The following ZNF639 variants were observed in gnomAD, a reference collection of about 807,000 sequenced individuals.
ZNF639 encodes zinc finger amplified in esophageal squamous cell carcinomas 1.
A neutral mutation model predicts 39.8 loss-of-function variants in ZNF639; 20 were observed. That is an observed-to-expected ratio of 0.50 (90% confidence interval 0.35 to 0.73). ZNF639 has a LOEUF of 0.73. Ranked by LOEUF, ZNF639 falls within the 30% of genes least tolerant of loss-of-function variation. ZNF639 has a pLI of 0.00. For missense variants in ZNF639, 477 were observed against 566.2 expected (o/e 0.84, Z 1.60); for synonymous variants, 176 against 189.8 (o/e 0.93, Z 0.60).
At position 179,334,174 on chromosome 3, in the gene ZNF639, G is replaced by A; in HGVS notation, c.1210G>A (p.Val404Ile). 2 of 1,614,078 alleles carry A rather than the reference G, an allele frequency of 1.2e-6. No homozygotes were observed. The highest frequency in any genetic ancestry group is 1.1e-5 in the South Asian group (1 of 91,076). ...AIEHTKIFPH[V>I]CDDCGKGFSS... ...TGAACATACAAAAATTTTTCCTCAT[G>A]TTTGTGATGACTGTGGGAAAGGCTT... Residue 404 changes from valine (V) to isoleucine (I), a missense_variant, in exon 6 of 6, where the codon GTT (valine) becomes ATT (isoleucine). By Grantham distance (29) the Val-to-Ile change is conservative. Coordinates refer to ENST00000496856, the MANE Select transcript of ZNF639 (RefSeq NM_001303426.2).
At chr3:179,331,732 G>A (rs1027668088) in intron 4 of ZNF639, among the ~76,000 whole-genome samples, 6 of 138,162 alleles carry the variant, frequency 4.3e-5, no homozygotes, top group Middle Eastern at 4.6e-3. Context: ...CCGAGATCGC[G>A]CCATTGCACT....
At position 179,334,322 on chromosome 3, in the gene ZNF639, A is replaced by G; in HGVS notation, c.1358A>G (p.Lys453Arg). 6.2e-7 allele frequency: 1 copy of G among 1,613,112 alleles called. No individual in the cohort carries two copies. Among genetic ancestry groups the G allele is most frequent in the Non-Finnish European group, 8.5e-7 (1 of 1,179,604 alleles). Reference sequence around the variant, plus strand: ...GATCTTAAAATTCATCTAGATTTCAAGCATTCAGCTGACTTGCCTCATAAA... The same window carrying G: ...GATCTTAAAATTCATCTAGATTTCAGGCATTCAGCTGACTTGCCTCATAAA... ...IEDLKIHLDF[K>R]HSADLPHKCS... Residue 453 changes from lysine to arginine, a missense_variant, in exon 6 of 6, where the codon AAG (lysine) becomes AGG (arginine). Transcript: ENST00000496856.
chr3:179,333,443 C>G lies in ZNF639; in HGVS notation c.479C>G (p.Ser160Cys), dbSNP rs751547721. 2 of 1,614,062 alleles carry G rather than the reference C, an allele frequency of 1.2e-6. No individual in the cohort carries two copies. The highest frequency in any genetic ancestry group is 1.7e-6 in the Non-Finnish European group (2 of 1,179,996). ...DYDIETENNS[S>C]ESLQDQTDEE... ...GATATAGAGACAGAAAACAATTCCT[C>G]TGAGAGTCTCCAAGACCAAACTGAT... Residue 160 changes from serine to cysteine, a missense_variant, in exon 6 of 6, where the codon TCT (serine) becomes TGT (cysteine). By Grantham distance (112) the Ser-to-Cys change is moderately radical. Transcript: ENST00000496856.
Position 179,334,339 on chromosome 3 carries a change from C to A in ZNF639, c.1375C>A (p.Pro459Thr), listed in dbSNP as rs1485689359. Residue 459 changes from proline to threonine, a missense_variant, in exon 6 of 6, where the codon CCT becomes ACT. Physicochemically the swap from Pro to Thr is conservative, Grantham distance 38. Transcript: ENST00000496856. ...HLDFKHSADLPHKCSDCLMRF... is the reference protein window; with the variant it reads ...HLDFKHSADLTHKCSDCLMRF... ...AGATTTCAAGCATTCAGCTGACTTGCCTCATAAATGTAGTGACTGCTTGAT... is the reference window on the plus strand; with the variant it reads ...AGATTTCAAGCATTCAGCTGACTTGACTCATAAATGTAGTGACTGCTTGAT... The A allele has an allele frequency of 1.9e-6, 3 of 1,611,832 alleles. No individual in the cohort carries two copies. Among genetic ancestry groups the A allele is most frequent in the Admixed American group, 3.4e-5 (2 of 59,668 alleles).
chr3:179,333,433 A>G lies in ZNF639; in HGVS notation c.469A>G (p.Asn157Asp), dbSNP rs1244035624. 1 of 1,614,154 alleles carries G rather than the reference A, an allele frequency of 6.2e-7. No homozygotes were observed. Among genetic ancestry groups the G allele is most frequent in the South Asian group, 1.1e-5 (1 of 91,080 alleles). The change falls in exon 6 of 6, where the codon AAC becomes GAC. Residue 157 changes from asparagine (N) to aspartate (D), a missense_variant. By Grantham distance (23) the Asn-to-Asp change is conservative. Coordinates refer to ENST00000496856, the MANE Select transcript of ZNF639 (RefSeq NM_001303426.2). ...ISEDYDIETE[N>D]NSSESLQDQT... ...TGAGGATTATGATATAGAGACAGAA[A>G]ACAATTCCTCTGAGAGTCTCCAAGA...
chr3:179,335,795 T>TGTG lies in ZNF639; in HGVS notation c.*1373_*1374insGTG, dbSNP rs1576994505. ...TCCTCTTTTTTTTTTTTTTTTTGCTTTTTTAATTTTTTGAGACAGAATTTC... is the reference window on the plus strand; with the variant it reads ...TCCTCTTTTTTTTTTTTTTTTTGCTTGTGTTTTAATTTTTTGAGACAGAATTTC... On this transcript the variant is annotated 3_prime_UTR_variant, in exon 6 of 6. Coordinates refer to ENST00000496856, the MANE Select transcript of ZNF639 (RefSeq NM_001303426.2). The TGTG allele has an allele frequency of 1.4e-5, 2 of 146,918 alleles. No individual in the cohort carries two copies. Among genetic ancestry groups the TGTG allele is most frequent in the East Asian group, 2.0e-4 (1 of 4,974 alleles). The allele number at this position is 146,918 out of a possible 1,614,324, so 9.1% of individuals were successfully genotyped here. A position where few individuals can be genotyped will look rare whatever the true frequency, so the allele number is the denominator to read the frequency against.
intron 3 of ZNF639, among the ~76,000 whole-genome samples, chr3:179,328,874 C>A (rs1727746554): frequency 6.7e-6 from 1 of 148,736 alleles, no homozygotes; most frequent in South Asian, 2.1e-4. Flanking sequence ...TTTCTGGGTT[C>A]AAGTGATTCT....
intron 3 of ZNF639, 115 bp downstream of exon 3, chr3:179,328,466 G>T: frequency 1.6e-6 from 1 of 635,392 alleles, no homozygotes; most frequent in Non-Finnish European, 2.6e-6. Context: ...CAATATTTAG[G>T]TAAAACAACG....
In ZNF639 at chr3:179,336,823, G is replaced by A. The variant is rs1711544456; in HGVS notation, c.*2401G>A. The A allele has an allele frequency of 6.6e-6, 1 of 152,190 alleles. No individual in the cohort carries two copies. The highest frequency in any genetic ancestry group is 2.4e-5 in the African/African-American group (1 of 41,444). The allele number at this position is 152,190 out of a possible 1,614,324, so 9.4% of individuals were successfully genotyped here. A position where few individuals can be genotyped will look rare whatever the true frequency, so the allele number is the denominator to read the frequency against. On this transcript the variant is annotated 3_prime_UTR_variant, in exon 6 of 6. Coordinates refer to ENST00000496856, the MANE Select transcript of ZNF639 (RefSeq NM_001303426.2). Reference sequence around the variant, plus strand: ...ACTTCACCTAACAATTAACCTAGTTGTTGATAATTTTGTTTTTATGCTTTT... The same window carrying A: ...ACTTCACCTAACAATTAACCTAGTTATTGATAATTTTGTTTTTATGCTTTT...
chr3:179,331,581 C>A (rs974730807), intron 4 of ZNF639, among the ~76,000 whole-genome samples: 1 of 151,910 alleles, frequency 6.6e-6, no homozygotes, highest in Non-Finnish European at 1.5e-5. Context: ...GAGTTTGAGA[C>A]CAGCCTCAAC....
At chr3:179,330,250 A>G (rs959903268) in intron 4 of ZNF639, among the ~76,000 whole-genome samples, 5 of 152,062 alleles carry the variant, frequency 3.3e-5, no homozygotes, top group Non-Finnish European at 7.4e-5. Context: ...CATATAAATA[A>G]AAAAGTGCAC....
At chr3:179,325,410 G>A (rs992869241) in intron 1 of ZNF639, 2 of 152,140 alleles carry the variant, frequency 1.3e-5, no homozygotes, top group Non-Finnish European at 2.9e-5. Context: ...CTCCCAACTG[G>A]TAGCTAAGAA....
At chr3:179,324,229 G>T (rs1337284904) in intron 1 of ZNF639, among the ~76,000 whole-genome samples, 1 of 152,118 alleles carries the variant, frequency 6.6e-6, no homozygotes, top group Admixed American at 6.6e-5. Flanking sequence ...CTTTTGAAAC[G>T]TTTATCTATT....
Position 179,323,107 on chromosome 3 carries a change from C to T in ZNF639, c.-267C>T, listed in dbSNP as rs1318322305. On this transcript the variant is annotated 5_prime_UTR_variant, in exon 1 of 6. Coordinates refer to ENST00000496856, the MANE Select transcript of ZNF639 (RefSeq NM_001303426.2). Reference sequence around the variant, plus strand: ...GAGCCTAGGCCAGGGGCCTGGCGCTCAGGGCGTGGGGCGCGCGGGGAGGGA... The same window carrying T: ...GAGCCTAGGCCAGGGGCCTGGCGCTTAGGGCGTGGGGCGCGCGGGGAGGGA... The T allele has an allele frequency of 3.0e-6, 3 of 984,642 alleles. No individual in the cohort carries two copies. Among genetic ancestry groups the T allele is most frequent in the Non-Finnish European group, 3.6e-6 (3 of 829,884 alleles). 61.0% of individuals were successfully genotyped at this position (984,642 alleles called of 1,614,324 possible).
chr3:179,333,564 CA>C lies in ZNF639; in HGVS notation c.601del (p.Ser201ValfsTer19). 1 of 1,614,080 alleles carries C rather than the reference CA, an allele frequency of 6.2e-7. No homozygotes were observed. Among genetic ancestry groups the C allele is most frequent in the Non-Finnish European group, 8.5e-7 (1 of 1,180,028 alleles). ...AATGGCCTTTACTGAGAGCTAATAG[CA>C]GTGGCCTCTATAAATGTGAACTTTG... is the stretch of plus-strand genomic sequence containing the variant. ...QKWPLLRANS[S>X]GLYKCELCEF... On this transcript the variant is annotated frameshift_variant, in exon 6 of 6. Coordinates refer to ENST00000496856, the MANE Select transcript of ZNF639 (RefSeq NM_001303426.2). LOFTEE classifies it high-confidence loss of function.
chr3:179,330,766 T>G (rs1056455071), intron 4 of ZNF639, among the ~76,000 whole-genome samples: 1 of 152,250 alleles, frequency 6.6e-6, no homozygotes, highest in African/African-American at 2.4e-5. Context: ...TTCTATTGGT[T>G]CCTCTGTTCT....
chr3:179,323,059 G>A lies in ZNF639; in HGVS notation c.-315G>A. 1 of 984,924 alleles carries A rather than the reference G, an allele frequency of 1.0e-6. No homozygotes were observed. The highest frequency in any genetic ancestry group is 1.2e-6 in the Non-Finnish European group (1 of 829,900). The allele number at this position is 984,924 out of a possible 1,614,324, so 61.0% of individuals were successfully genotyped here. A position where few individuals can be genotyped will look rare whatever the true frequency, so the allele number is the denominator to read the frequency against. ...GTGCGCGGCGCAGGCGCGGAGCGTG[G>A]CGGCCAGGGCAGTGCGGCCGCGGAG... is the stretch of plus-strand genomic sequence containing the variant. On this transcript the variant is annotated 5_prime_UTR_variant, in exon 1 of 6. Transcript: ENST00000496856.
intron 1 of ZNF639, chr3:179,324,952 A>G (rs191686476): frequency 2.0e-5 from 3 of 152,346 alleles, no homozygotes; most frequent in African/African-American, 7.2e-5. Flanking sequence ...GAATGCAGTG[A>G]ATTGAGATGG....
At position 179,334,158 on chromosome 3, in the gene ZNF639, A is replaced by C; in HGVS notation, c.1194A>C (p.Thr398=). 6.2e-7 allele frequency: 1 copy of C among 1,614,164 alleles called. No homozygotes were observed. The highest frequency in any genetic ancestry group is 8.5e-7 in the Non-Finnish European group (1 of 1,180,012). ...NVNRHVAIEH[T]KIFPHVCDDC... Reference sequence around the variant, plus strand: ...ACAGGCATGTTGCTATTGAACATACAAAAATTTTTCCTCATGTTTGTGATG... The same window carrying C: ...ACAGGCATGTTGCTATTGAACATACCAAAATTTTTCCTCATGTTTGTGATG... Residue 398 remains threonine (T), a synonymous_variant, in exon 6 of 6, where the codon ACA becomes ACC. Coordinates refer to ENST00000496856, the MANE Select transcript of ZNF639 (RefSeq NM_001303426.2).
Sources: allele counts gnomAD v4.1 joint callset (sites outside exome capture counted in the v4.1 genomes callset), GRCh38; gene constraint gnomAD v4.1.1; transcripts MANE v1.5; gene names NCBI Gene and HGNC (gene_info 2026-07-23, HGNC 2026-07-21).